SASS6: variants seen among roughly 807,000 people sequenced by gnomAD.
SASS6 encodes SAS-6 centriolar assembly protein.
SASS6 carries 59 observed loss-of-function variants against 94.9 expected under a neutral mutation model. That is an observed-to-expected ratio of 0.62 (90% CI 0.50 to 0.77). SASS6 has a LOEUF of 0.77. Ranked by LOEUF, SASS6 falls within the 30% of genes least tolerant of loss-of-function variation. The pLI, the probability that SASS6 is intolerant of heterozygous loss-of-function variation, is 0.00. For missense variants in SASS6, 698 were observed against 734.1 expected (o/e 0.95, Z 0.57); for synonymous variants, 264 against 270.0 (o/e 0.98, Z 0.22).
At chr1:100,091,719 G>T (rs1397511725) in intron 14 of SASS6, among the ~76,000 whole-genome samples, 2 of 147,572 alleles carry the variant, frequency 1.4e-5, no homozygotes, top group Non-Finnish European at 3.0e-5. Flanking sequence ...AGAATGGACA[G>T]AGAAAACAGT....
chr1:100,094,866 CAAA>C (rs555045794), intron 14 of SASS6, among the ~76,000 whole-genome samples: 2 of 95,008 alleles, frequency 2.1e-5, no homozygotes, highest in Non-Finnish European at 2.3e-5. Context: ...ACTCTGTCTC[CAAA>C]AAAAAAAAAA....
intron 7 of SASS6, among the ~76,000 whole-genome samples, chr1:100,111,586 A>G (rs1210133445): frequency 1.3e-5 from 2 of 152,112 alleles, no homozygotes; most frequent in Non-Finnish European, 2.9e-5. Context: ...AAACAAATAT[A>G]AAGCTTGATG....
In SASS6 at chr1:100,119,142, A is replaced by G. The variant is rs752071397; in HGVS notation, c.550-5T>C. ...TTGTTTTTTTTCTGCTAATGTCTAC[A>G]TTAGAGTTTAACACAAAATATTAAG... is the stretch of plus-strand genomic sequence containing the variant. On this transcript the variant is annotated splice_region_variant and splice_polypyrimidine_tract_variant and intron_variant, in intron 6 of 16. Coordinates refer to ENST00000287482, the MANE Select transcript of SASS6 (RefSeq NM_194292.3). 1 of 1,501,436 alleles carries G rather than the reference A, an allele frequency of 6.7e-7. No homozygotes were observed. Among genetic ancestry groups the G allele is most frequent in the East Asian group, 2.3e-5 (1 of 43,654 alleles). 93.0% of individuals were successfully genotyped at this position (1,501,436 alleles called of 1,614,324 possible).
At chr1:100,126,062 T>C (rs1043018262) in intron 1 of SASS6, 120 bp from the exon 2 acceptor site, 9 of 579,706 alleles carry the variant, frequency 1.6e-5, no homozygotes, top group Non-Finnish European at 2.4e-5. Flanking sequence ...CTCTAACTTA[T>C]GAACAGAAGT....
intron 2 of SASS6, among the ~76,000 whole-genome samples, chr1:100,123,640 C>T (rs951473768): frequency 6.6e-6 from 1 of 152,208 alleles, no homozygotes; most frequent in Non-Finnish European, 1.5e-5. Flanking sequence ...ATACCACATT[C>T]AATTTTATTT....
chr1:100,098,855 TTATA>T (rs1345970350), intron 14 of SASS6, among the ~76,000 whole-genome samples: 6 of 152,206 alleles, frequency 3.9e-5, no homozygotes, highest in Admixed American at 3.9e-4. Context: ...CTATTTATGT[TTATA>T]TATAAAAACA....
chr1:100,118,672 C>G (rs771484757), intron 7 of SASS6, among the ~76,000 whole-genome samples: 70 of 152,104 alleles, frequency 4.6e-4, no homozygotes, highest in Non-Finnish European at 7.4e-4. Context: ...AAGAAAGTTA[C>G]AATCAATATA....
chr1:100,120,586 A>G lies in SASS6; in HGVS notation c.484-127T>C, dbSNP rs1654116564. 4 of 559,670 alleles carry G rather than the reference A, an allele frequency of 7.1e-6. No homozygotes were observed. The South Asian group carries it at 9.6e-5, about 13-fold the overall frequency. The allele number at this position is 559,670 out of a possible 1,614,324, so 34.7% of individuals were successfully genotyped here. A position where few individuals can be genotyped will look rare whatever the true frequency, so the allele number is the denominator to read the frequency against. On this transcript the variant is annotated intron_variant, in intron 5 of 16. Coordinates refer to ENST00000287482, the MANE Select transcript of SASS6 (RefSeq NM_194292.3). ...ATGCAGATTCTTAGGCTCCATCTCA[A>G]ATCTAAATCATTTTAACAAGATCCC...
rs367882680 is a variant in SASS6, at chr1:100,105,862, C to T, written c.1450G>A (p.Val484Met). Residue 484 changes from valine to methionine, a missense_variant, in exon 13 of 17, where the codon GTG (valine) becomes ATG (methionine). Coordinates refer to ENST00000287482, the MANE Select transcript of SASS6 (RefSeq NM_194292.3). The stretch of plus-strand genomic sequence containing the variant: ...GGTCCCAATACATCTTGCTTTCTCA[C>T]TAGCTGATTTTCATTTAGTTCTTTA... Reference protein sequence around the residue: ...LNKELNENQLVRKQDVLGPST... With the variant: ...LNKELNENQLMRKQDVLGPST... 1.9e-6 allele frequency: 3 copies of T among 1,610,008 alleles called. No homozygotes were observed. Among genetic ancestry groups the T allele is most frequent in the East Asian group, 2.2e-5 (1 of 44,758 alleles).
chr1:100,108,846 T>C (rs1024074214), intron 8 of SASS6, among the ~76,000 whole-genome samples: 8 of 152,072 alleles, frequency 5.3e-5, no homozygotes, highest in African/African-American at 1.9e-4. Flanking sequence ...TTAACCTTCA[T>C]AAAAATCCTT....
chr1:100,095,419 G>C (rs1300202446), intron 14 of SASS6, among the ~76,000 whole-genome samples: 2 of 152,184 alleles, frequency 1.3e-5, no homozygotes, highest in Non-Finnish European at 2.9e-5. Context: ...TGTGGTCCCA[G>C]TTACTAGGGA....
At chr1:100,118,129 G>A (rs1033703773) in intron 7 of SASS6, among the ~76,000 whole-genome samples, 11 of 151,946 alleles carry the variant, frequency 7.2e-5, no homozygotes, top group East Asian at 3.9e-4. Flanking sequence ...CAGCCTGACC[G>A]ACATGGAGAA....
At chr1:100,102,841 CTACTACT>C in intron 14 of SASS6, 107 bp downstream of exon 14, 1 of 753,614 alleles carries the variant, frequency 1.3e-6, no homozygotes, top group South Asian at 1.7e-5. Context: ...AATACACTAC[CTACTACT>C]TAACAACTGA....
chr1:100,120,168 T>G (rs1226861985), intron 6 of SASS6, among the ~76,000 whole-genome samples: 1 of 152,156 alleles, frequency 6.6e-6, no homozygotes, highest in Admixed American at 6.5e-5. Context: ...CGAGGGAACA[T>G]GTTATATATT....
intron 14 of SASS6, among the ~76,000 whole-genome samples, chr1:100,101,455 C>T (rs1369775789): frequency 6.6e-6 from 1 of 151,856 alleles, no homozygotes; most frequent in African/African-American, 2.4e-5. Flanking sequence ...TCCTCTGATT[C>T]CACAAGACCT....
At chr1:100,094,756 C>A (rs1173445719) in intron 14 of SASS6, among the ~76,000 whole-genome samples, 1 of 151,634 alleles carries the variant, frequency 6.6e-6, no homozygotes, top group Non-Finnish European at 1.5e-5. Flanking sequence ...GTCCCAGCTA[C>A]TCGGGAGGCT....
At chr1:100,094,758 C>A (rs576443783) in intron 14 of SASS6, among the ~76,000 whole-genome samples, 1 of 151,276 alleles carries the variant, frequency 6.6e-6, no homozygotes, top group African/African-American at 2.4e-5. Flanking sequence ...CCCAGCTACT[C>A]GGGAGGCTGC....
chr1:100,117,148 G>T (rs866793587), intron 7 of SASS6, among the ~76,000 whole-genome samples: 1 of 151,732 alleles, frequency 6.6e-6, no homozygotes, highest in African/African-American at 2.4e-5. Flanking sequence ...ACAAAATTTA[G>T]CCGGGCATGG....
chr1:100,123,399 GCAGA>G (rs765780975), intron 2 of SASS6, 110 bp from the exon 3 acceptor site: 15 of 553,240 alleles, frequency 2.7e-5, no homozygotes, highest in Non-Finnish European at 4.2e-5. Flanking sequence ...TAGTTATATT[GCAGA>G]CAGCTTTGTT....
Sources: gnomAD v4.1 joint callset for allele counts (sites outside exome capture counted in the v4.1 genomes callset) on GRCh38, gnomAD v4.1.1 for gene constraint, MANE v1.5 for transcripts, NCBI Gene and HGNC (gene_info 2026-07-23, HGNC 2026-07-21) for gene names.